CADPS2: variants seen among roughly 807,000 people sequenced by gnomAD.
CADPS2 encodes the protein calcium-dependent secretion activator 2.
A neutral mutation model predicts 172.5 loss-of-function variants in CADPS2; 93 were observed. The observed-to-expected ratio is 0.54, with a 90% CI of 0.46 to 0.64. The LOEUF (loss-of-function observed/expected upper bound fraction) is 0.64, where lower values mean the gene tolerates loss of function less well. Among genes scored for constraint, CADPS2 ranks in the 30% least tolerant of loss-of-function variants. CADPS2 has a pLI of 0.00. For missense variants in CADPS2, 1,420 were observed against 1,565.9 expected (o/e 0.91, Z 1.57); for synonymous variants, 546 against 555.2 (o/e 0.98, Z 0.23).
chr7:122,722,738 A>C (rs940746937), intron 2 of CADPS2, among the ~76,000 whole-genome samples: 1 of 142,902 alleles, frequency 7.0e-6, no homozygotes, highest in African/African-American at 2.6e-5. Context: ...CCTAAGCCAA[A>C]AGAACAAAGC....
intron 17 of CADPS2, among the ~76,000 whole-genome samples, chr7:122,417,578 A>G (rs1326890014): frequency 1.3e-5 from 2 of 152,226 alleles, no homozygotes; most frequent in African/African-American, 4.8e-5. Flanking sequence ...TTTCATGAAC[A>G]TTTCAACATC....
intron 1 of CADPS2, among the ~76,000 whole-genome samples, chr7:122,779,418 G>GC (rs1448390455): frequency 5.9e-5 from 9 of 152,078 alleles, no homozygotes; most frequent in Non-Finnish European, 1.2e-4. Context: ...AGGGAACCAA[G>GC]CCCAACCATA....
intron 9 of CADPS2, among the ~76,000 whole-genome samples, chr7:122,496,276 C>T (rs2058726324): frequency 6.6e-6 from 1 of 152,168 alleles, no homozygotes; most frequent in African/African-American, 2.4e-5. Context: ...ATACTCCTGC[C>T]TCAGCTTCCT....
intron 1 of CADPS2, among the ~76,000 whole-genome samples, chr7:122,786,849 G>T (rs2139564834): frequency 6.6e-6 from 1 of 152,154 alleles, no homozygotes; most frequent in South Asian, 2.1e-4. Flanking sequence ...AAAAAAAGAT[G>T]TGTGTGGAAC....
intron 8 of CADPS2, among the ~76,000 whole-genome samples, chr7:122,523,290 T>C (rs2060957011): frequency 6.6e-6 from 1 of 152,134 alleles, no homozygotes; most frequent in African/African-American, 2.4e-5. Flanking sequence ...CACTGTCACC[T>C]AGAAATAAAA....
intron 2 of CADPS2, among the ~76,000 whole-genome samples, chr7:122,710,141 C>A (rs1257013593): frequency 6.6e-6 from 1 of 151,114 alleles, no homozygotes; most frequent in Non-Finnish European, 1.5e-5. Flanking sequence ...ATATGCATTG[C>A]CTTCCTAATA....
chr7:122,794,679 C>T (rs1257059724), intron 1 of CADPS2, among the ~76,000 whole-genome samples: 2 of 151,706 alleles, frequency 1.3e-5, no homozygotes, highest in Non-Finnish European at 2.9e-5. Context: ...CTTATCACCA[C>T]ATGGCACATC....
chr7:122,653,618 G>A (rs1424606515), intron 3 of CADPS2, among the ~76,000 whole-genome samples: 1 of 152,050 alleles, frequency 6.6e-6, no homozygotes, highest in East Asian at 1.9e-4. Flanking sequence ...TTTACACATT[G>A]AAGGTCTGTG....
At chr7:122,746,650 C>G (rs1175348513) in intron 1 of CADPS2, among the ~76,000 whole-genome samples, 1 of 151,998 alleles carries the variant, frequency 6.6e-6, no homozygotes, top group Non-Finnish European at 1.5e-5. Flanking sequence ...CAGACACACA[C>G]ACACACACAC....
chr7:122,806,826 T>C (rs1188453817), intron 1 of CADPS2, among the ~76,000 whole-genome samples: 1 of 152,206 alleles, frequency 6.6e-6, no homozygotes, highest in African/African-American at 2.4e-5. Flanking sequence ...AATAAGTTGT[T>C]GCAAAATTTG....
intron 7 of CADPS2, among the ~76,000 whole-genome samples, chr7:122,568,559 T>G (rs555703435): frequency 6.6e-6 from 1 of 152,134 alleles, no homozygotes; most frequent in Non-Finnish European, 1.5e-5. Context: ...CTTACAGATA[T>G]ATAGATAATT....
intron 14 of CADPS2, among the ~76,000 whole-genome samples, chr7:122,458,431 C>A (rs1225390230): frequency 1.3e-5 from 2 of 152,050 alleles, no homozygotes; most frequent in Non-Finnish European, 2.9e-5. Context: ...ACTCAGTGTC[C>A]TTTTACTTCC....
intron 20 of CADPS2, among the ~76,000 whole-genome samples, chr7:122,404,878 C>A (rs1431656135): frequency 6.6e-6 from 1 of 152,096 alleles, no homozygotes; most frequent in Non-Finnish European, 1.5e-5. Context: ...GTAATCCCAG[C>A]ACTTTGGGAG....
At chr7:122,450,928 C>T (rs1044538222) in intron 15 of CADPS2, among the ~76,000 whole-genome samples, 7 of 152,022 alleles carry the variant, frequency 4.6e-5, no homozygotes, top group Non-Finnish European at 7.4e-5. Context: ...ACTTTAAAGC[C>T]ATGTGGGTTA....
At chr7:122,410,704 C>A (rs1485162505) in intron 19 of CADPS2, among the ~76,000 whole-genome samples, 1 of 146,566 alleles carries the variant, frequency 6.8e-6, no homozygotes, top group Non-Finnish European at 1.5e-5. Flanking sequence ...TAATTGACTA[C>A]CGCAATCAGT....
chr7:122,571,366 C>T (rs1389571176), intron 7 of CADPS2, among the ~76,000 whole-genome samples: 3 of 152,032 alleles, frequency 2.0e-5, no homozygotes, highest in Non-Finnish European at 4.4e-5. Flanking sequence ...AGAGGAAAAC[C>T]TCTATTATTC....
intron 19 of CADPS2, among the ~76,000 whole-genome samples, chr7:122,413,695 T>C (rs74384170): frequency 6.6e-6 from 1 of 152,108 alleles, no homozygotes; most frequent in African/African-American, 2.4e-5. Flanking sequence ...AGTCCACCAA[T>C]TCACTCTGGA....
intron 29 of CADPS2, among the ~76,000 whole-genome samples, chr7:122,323,873 TTATATATATATATATA>T (rs71159788): frequency 0.015 from 1,662 of 112,426 alleles, 50 homozygotes; most frequent in African/African-American, 0.051. Flanking sequence ...TATGTATATT[TTATATATATATATATA>T]TATATATATA....
intron 1 of CADPS2, among the ~76,000 whole-genome samples, chr7:122,829,928 G>A (rs1432726887): frequency 2.0e-5 from 3 of 151,954 alleles, no homozygotes; most frequent in Non-Finnish European, 2.9e-5. Flanking sequence ...GTGATGTCCA[G>A]TAAGAAGAGC....
Sources: allele counts gnomAD v4.1 joint callset (sites outside exome capture counted in the v4.1 genomes callset), GRCh38; gene constraint gnomAD v4.1.1; transcripts MANE v1.5; gene names NCBI Gene and HGNC (gene_info 2026-07-23, HGNC 2026-07-21).